Variants in POLA2 observed in about 807,000 individuals in gnomAD.
POLA2 encodes DNA polymerase alpha subunit B.
Under a neutral mutation model 82.8 loss-of-function variants are expected in POLA2, and 47 were observed. The ratio of observed to expected loss-of-function variants is 0.57; its 90% CI spans 0.45 to 0.72. The LOEUF is 0.72. Ranked by LOEUF, POLA2 falls within the 30% of genes least tolerant of loss-of-function variation. POLA2 has a pLI of 0.00. For synonymous variants in POLA2, 287 were observed against 286.8 expected (o/e 1.00, Z -0.01); for missense variants, 634 against 728.1 (o/e 0.87, Z 1.49).
chr11:65,286,029 C>T (rs1010409991), intron 10 of POLA2, among the ~76,000 whole-genome samples: 1 of 152,152 alleles, frequency 6.6e-6, no homozygotes, highest in Admixed American at 6.6e-5. Context: ...GGAGACTTTG[C>T]CCGTGTGATT....
At position 65,297,266 on chromosome 11, in the gene POLA2, C is replaced by T. The variant is rs776633653; in HGVS notation, c.1794C>T (p.Ile598=). The T allele has an allele frequency of 6.2e-7, 1 of 1,604,268 alleles. No individual in the cohort carries two copies. The highest frequency in any genetic ancestry group is 8.5e-7 in the Non-Finnish European group (1 of 1,174,982). ...SPCIAVQVVR[I] is the part of the protein sequence containing the mutation. ...GCATTGCTGTGCAGGTCGTCAGGAT[C>T]TGAGGCTTCTGTCCTCTGCTGTTCT... Residue 598 remains isoleucine (I), a synonymous_variant, in exon 18 of 18, where the codon ATC becomes ATT. Coordinates refer to ENST00000265465, the MANE Select transcript of POLA2 (RefSeq NM_002689.4).
chr11:65,269,929 G>T (rs1949504658), intron 4 of POLA2, among the ~76,000 whole-genome samples: 1 of 152,172 alleles, frequency 6.6e-6, no homozygotes, highest in African/African-American at 2.4e-5. Context: ...CCGCCTCCCG[G>T]GTTCAAGCAA....
In POLA2 at chr11:65,275,878, T is replaced by A. The variant is rs776417836; in HGVS notation, c.355-14T>A. 6.6e-7 allele frequency: 1 copy of A among 1,511,376 alleles called. No individual in the cohort carries two copies. Among genetic ancestry groups the A allele is most frequent in the East Asian group, 2.3e-5 (1 of 43,470 alleles). 93.6% of individuals were successfully genotyped at this position (1,511,376 alleles called of 1,614,324 possible). On this transcript the variant is annotated splice_polypyrimidine_tract_variant and intron_variant, in intron 4 of 17. Coordinates refer to ENST00000265465, the MANE Select transcript of POLA2 (RefSeq NM_002689.4). Reference sequence around the variant, plus strand: ...TAGTAGGACTGAGATTTTGTTTTCCTTTTTTTTCCCTAGGGTTCTCAGAAG... The same window carrying A: ...TAGTAGGACTGAGATTTTGTTTTCCATTTTTTTCCCTAGGGTTCTCAGAAG...
chr11:65,266,462 C>G, intron 1 of POLA2, 120 bp from the exon 2 acceptor site: 2 of 1,003,418 alleles, frequency 2.0e-6, no homozygotes, highest in Non-Finnish European at 3.0e-6. Flanking sequence ...CAAAACAGTG[C>G]CTGGCACTAA....
At position 65,289,314 on chromosome 11, in the gene POLA2, C is replaced by T. The variant is rs150085707; in HGVS notation, c.1170+226C>T. Among the ~76,000 whole-genome samples, 15 of 152,336 alleles carry T rather than the reference C, an allele frequency of 9.8e-5. No homozygotes were observed. The East Asian group carries it at 2.9e-3, about 29-fold the overall frequency. On this transcript the variant is annotated intron_variant, in intron 12 of 17. Coordinates refer to ENST00000265465, the MANE Select transcript of POLA2 (RefSeq NM_002689.4). The stretch of plus-strand genomic sequence containing the variant: ...GAAGCTGGGGGAGGGACATATAAGT[C>T]CTAATGTTCCTTTGTTTGTGATGCC...
At chr11:65,293,132 T>A (rs981859414) in intron 13 of POLA2, among the ~76,000 whole-genome samples, 3 of 152,222 alleles carry the variant, frequency 2.0e-5, no homozygotes, top group Non-Finnish European at 4.4e-5. Flanking sequence ...CATTTTTGCA[T>A]GACAACCTGC....
At position 65,305,449 on chromosome 11, in the gene POLA2, TTGAC is replaced by T; in HGVS notation, c.736_739del (p.Asp246ValfsTer?). 2.2e-6 allele frequency: 1 copy of T among 454,566 alleles called. No homozygotes were observed. The highest frequency in any genetic ancestry group is 1.6e-5 in the South Asian group (1 of 64,334). The allele number at this position is 454,566 out of a possible 1,614,324, so 28.2% of individuals were successfully genotyped here. A position where few individuals can be genotyped will look rare whatever the true frequency, so the allele number is the denominator to read the frequency against. On this transcript the variant is annotated frameshift_variant, in exon 9 of 9. Transcript: ENST00000525924. LOFTEE classifies it low-confidence loss of function (END_TRUNC). ...GTGAGCCTGAGGAGAAACAGCCCTG[TTGAC>T]TGTGTGGGGGCCTGGTACCTGGCAC...
chr11:65,267,440 C>A, intron 2 of POLA2, 37 bp from the exon 3 acceptor site: 1 of 1,281,478 alleles, frequency 7.8e-7, no homozygotes, highest in Non-Finnish European at 1.1e-6. Context: ...TATTACTTGA[C>A]TATGAAGTAC....
chr11:65,285,561 T>G (rs1949687200), intron 10 of POLA2, among the ~76,000 whole-genome samples: 1 of 133,768 alleles, frequency 7.5e-6, no homozygotes, highest in African/African-American at 2.9e-5. Context: ...GGAGTGAGAG[T>G]GAGATCCTAT....
chr11:65,272,804 G>A (rs1479051493), intron 4 of POLA2, among the ~76,000 whole-genome samples: 2 of 152,104 alleles, frequency 1.3e-5, no homozygotes, highest in East Asian at 1.9e-4. Flanking sequence ...CTGAGGTCAG[G>A]AGTTCAAGAC....
chr11:65,300,736 C>T (rs916221895), downstream of POLA2, among the ~76,000 whole-genome samples: 8 of 152,214 alleles, frequency 5.3e-5, no homozygotes, highest in Non-Finnish European at 1.0e-4. Context: ...GCACCCGCCA[C>T]CGTGCCAACT....
intron 1 of POLA2, among the ~76,000 whole-genome samples, chr11:65,264,375 T>C (rs1317872799): frequency 6.6e-6 from 1 of 152,098 alleles, no homozygotes; most frequent in Non-Finnish European, 1.5e-5. Context: ...GTTCTACTTT[T>C]TGTATTTTCA....
In POLA2 at chr11:65,294,370, C is replaced by T. The variant is rs570535606; in HGVS notation, c.1353+109C>T. The stretch of plus-strand genomic sequence containing the variant: ...GAGAGGCCTCTTTAGGGTGTGCGTA[C>T]AGCCTGAATCTTAAACTCCTTTTTT... On this transcript the variant is annotated intron_variant, in intron 14 of 17. Coordinates refer to ENST00000265465, the MANE Select transcript of POLA2 (RefSeq NM_002689.4). 2,151 of 1,010,042 alleles carry T rather than the reference C, an allele frequency of 2.1e-3. 10 individuals carry two copies. Among genetic ancestry groups the T allele is most frequent in the Admixed American group, 6.2e-3 (326 of 52,854 alleles). The allele number at this position is 1,010,042 out of a possible 1,614,324, so 62.6% of individuals were successfully genotyped here. A position where few individuals can be genotyped will look rare whatever the true frequency, so the allele number is the denominator to read the frequency against.
intron 13 of POLA2, among the ~76,000 whole-genome samples, chr11:65,293,259 G>T (rs2137585245): frequency 6.6e-6 from 1 of 152,242 alleles, no homozygotes; most frequent in African/African-American, 2.4e-5. Context: ...TGTCTCGGTT[G>T]TCCAGTAATT....
rs757044502 is a variant in POLA2, at chr11:65,268,374, TG to T, written c.297-296del. 4.0e-5 allele frequency among the ~76,000 whole-genome samples: 6 copies of T among 151,448 alleles called. No homozygotes were observed. The East Asian group carries it at 1.2e-3, about 29-fold the overall frequency. On this transcript the variant is annotated intron_variant, in intron 3 of 17. Transcript: ENST00000265465. Reference sequence around the variant, plus strand: ...TTATTATTATTTTTTTTTTTTGAGATGGAGTCTCGCTGTGTCGCCCATGCTG... The same window carrying T: ...TTATTATTATTTTTTTTTTTTGAGATGAGTCTCGCTGTGTCGCCCATGCTG...
At chr11:65,286,840 A>G (rs893143517) in intron 10 of POLA2, among the ~76,000 whole-genome samples, 1 of 152,156 alleles carries the variant, frequency 6.6e-6, no homozygotes, top group Non-Finnish European at 1.5e-5. Flanking sequence ...AGAAAGCAGG[A>G]ATTTATTAGG....
Position 65,289,067 on chromosome 11 carries a change from T to A in POLA2, c.1149T>A (p.Asp383Glu), listed in dbSNP as rs993590660. 1.2e-6 allele frequency: 2 copies of A among 1,613,342 alleles called. No homozygotes were observed. Among genetic ancestry groups the A allele is most frequent in the Admixed American group, 1.7e-5 (1 of 59,936 alleles). Reference sequence around the variant, plus strand: ...CCTTGCAGTTTGGCCCTTTCCTGGATGCTAAGCATGAACAGGTGGAGGTGA... The same window carrying A: ...CCTTGCAGTTTGGCCCTTTCCTGGAAGCTAAGCATGAACAGGTGGAGGTGA... ...DVCILFGPFLDAKHEQVENCL... is the reference protein window; with the variant it reads ...DVCILFGPFLEAKHEQVENCL... Residue 383 changes from aspartate to glutamate, a missense_variant, in exon 12 of 18, where the codon GAT becomes GAA. Coordinates refer to ENST00000265465, the MANE Select transcript of POLA2 (RefSeq NM_002689.4).
intron 17 of POLA2, 105 bp from the exon 18 acceptor site, chr11:65,297,015 C>T: frequency 8.6e-7 from 1 of 1,156,412 alleles, no homozygotes; most frequent in Admixed American, 2.3e-5. Flanking sequence ...TTTCCATTTT[C>T]TAAAACCCTC....
chr11:65,288,916 C>A, intron 11 of POLA2, 134 bp from the exon 12 acceptor site: 1 of 801,408 alleles, frequency 1.2e-6, no homozygotes, highest in Non-Finnish European at 2.0e-6. Context: ...CTAACTGTCC[C>A]CAGGCTCTAC....
Sources: allele counts gnomAD v4.1 joint callset (sites outside exome capture counted in the v4.1 genomes callset), GRCh38; gene constraint gnomAD v4.1.1; transcripts MANE v1.5; gene names NCBI Gene and HGNC (gene_info 2026-07-23, HGNC 2026-07-21).